PCDH15: variants seen among roughly 807,000 people sequenced by gnomAD.
PCDH15 encodes protocadherin-15.
In PCDH15, 129 loss-of-function variants were observed where a neutral mutation model predicts 178.5. That is an observed-to-expected ratio of 0.72 (90% CI 0.63 to 0.84). The LOEUF (loss-of-function observed/expected upper bound fraction) is 0.84. PCDH15 is among the 40% of genes least tolerant of loss of function. PCDH15 has a pLI of 0.00. For synonymous variants in PCDH15, 800 were observed against 732.0 expected (o/e 1.09, Z -1.50); for missense variants, 2,230 against 2,099.9 (o/e 1.06, Z -1.21).
At chr10:55,359,455 T>A (rs1375291926) in intron 2 of PCDH15, among the ~76,000 whole-genome samples, 1 of 151,754 alleles carries the variant, frequency 6.6e-6, no homozygotes, top group Non-Finnish European at 1.5e-5. Flanking sequence ...GGTGAGGATG[T>A]GGAAAAATGG....
chr10:55,385,459 C>A (rs977979515), intron 2 of PCDH15, among the ~76,000 whole-genome samples: 4 of 151,886 alleles, frequency 2.6e-5, no homozygotes, highest in Non-Finnish European at 5.9e-5. Flanking sequence ...CAAATGACAA[C>A]AATTTAGTTT....
chr10:54,491,940 T>A (rs2079635381), intron 3 of PCDH15, among the ~76,000 whole-genome samples: 2 of 152,174 alleles, frequency 1.3e-5, no homozygotes, highest in Non-Finnish European at 2.9e-5. Flanking sequence ...GAAAGGTTAG[T>A]TACAAAAGCA....
chr10:53,945,006 T>A (rs2086410006), intron 23 of PCDH15, among the ~76,000 whole-genome samples: 1 of 152,196 alleles, frequency 6.6e-6, no homozygotes, highest in African/African-American at 2.4e-5. Context: ...AGGCTTTGAC[T>A]AAAATTCCAA....
At chr10:54,902,396 A>T (rs1366980343) in intron 2 of PCDH15, among the ~76,000 whole-genome samples, 2 of 152,102 alleles carry the variant, frequency 1.3e-5, no homozygotes, top group Non-Finnish European at 2.9e-5. Context: ...CTCCCTTGTC[A>T]TTCTCGTGAT....
chr10:55,325,012 C>T (rs370680455), intron 2 of PCDH15, among the ~76,000 whole-genome samples: 1 of 151,894 alleles, frequency 6.6e-6, no homozygotes, highest in Non-Finnish European at 1.5e-5. Flanking sequence ...TACAGCTAAT[C>T]AGAGAGGTAA....
chr10:53,878,522 G>GTGTA (rs1554841240), intron 26 of PCDH15, among the ~76,000 whole-genome samples: 3 of 140,318 alleles, frequency 2.1e-5, no homozygotes, highest in African/African-American at 8.3e-5. Flanking sequence ...GTGTGTGTGT[G>GTGTA]TATATATATA....
intron 2 of PCDH15, among the ~76,000 whole-genome samples, chr10:55,485,171 C>T (rs1840270119): frequency 6.6e-6 from 1 of 151,496 alleles, no homozygotes; most frequent in Admixed American, 6.6e-5. Flanking sequence ...TGTATAAGGA[C>T]CATAACTCAA....
chr10:55,510,599 C>T (rs2132150936), intron 2 of PCDH15, among the ~76,000 whole-genome samples: 1 of 151,912 alleles, frequency 6.6e-6, no homozygotes, highest in East Asian at 1.9e-4. Context: ...TCAGGTGTTT[C>T]CTTGTTTGTT....
chr10:54,746,176 A>G (rs1156495799), intron 1 of PCDH15, among the ~76,000 whole-genome samples: 1 of 152,118 alleles, frequency 6.6e-6, no homozygotes, highest in East Asian at 1.9e-4. Flanking sequence ...GAATTTTAGG[A>G]TGTTTAACAG....
At chr10:55,049,984 T>C (rs550326910) in intron 2 of PCDH15, among the ~76,000 whole-genome samples, 1 of 152,006 alleles carries the variant, frequency 6.6e-6, no homozygotes, top group Non-Finnish European at 1.5e-5. Context: ...TGAATGTATA[T>C]TTTGCAATTG....
At chr10:54,940,255 A>G (rs1378000088) in intron 2 of PCDH15, among the ~76,000 whole-genome samples, 1 of 152,136 alleles carries the variant, frequency 6.6e-6, no homozygotes, top group Non-Finnish European at 1.5e-5. Context: ...ATCTCAAAAT[A>G]TGATTGAATT....
intron 26 of PCDH15, among the ~76,000 whole-genome samples, chr10:53,892,858 C>A (rs1256025842): frequency 6.6e-6 from 1 of 152,058 alleles, no homozygotes; most frequent in Non-Finnish European, 1.5e-5. Context: ...ATACAGAATA[C>A]AGTGTAGAAA....
chr10:54,183,336 A>T, intron 13 of PCDH15, 108 bp downstream of exon 13: 1 of 1,082,856 alleles, frequency 9.2e-7, no homozygotes, highest in Non-Finnish European at 1.4e-6. Flanking sequence ...CTATACAATA[A>T]GTGTGAAATC....
At chr10:53,878,386 CTATA>C (rs556794610) in intron 26 of PCDH15, among the ~76,000 whole-genome samples, 2 of 142,694 alleles carry the variant, frequency 1.4e-5, no homozygotes, top group East Asian at 2.0e-4. Flanking sequence ...TATATATAGT[CTATA>C]TATATACTAT....
chr10:55,056,607 TG>T (rs1242616536), intron 2 of PCDH15, among the ~76,000 whole-genome samples: 3 of 112,364 alleles, frequency 2.7e-5, no homozygotes, highest in Non-Finnish European at 5.5e-5. Context: ...ATTTTTATTT[TG>T]TTTTATTATT....
intron 32 of PCDH15, chr10:53,823,470 G>T: frequency 9.8e-7 from 1 of 1,018,524 alleles, no homozygotes; most frequent in Non-Finnish European, 1.6e-6. Flanking sequence ...AACATCAAAG[G>T]CCAAACAACA....
At chr10:54,133,120 A>T (rs111227246) in intron 14 of PCDH15, 113 bp from the exon 15 acceptor site, 2 of 1,256,370 alleles carry the variant, frequency 1.6e-6, no homozygotes, top group Non-Finnish European at 1.1e-6. Flanking sequence ...TCCAAATTTT[A>T]TGAAAAATAA....
chr10:54,674,098 A>G (rs1432733231), intron 1 of PCDH15, among the ~76,000 whole-genome samples: 1 of 152,180 alleles, frequency 6.6e-6, no homozygotes, highest in African/African-American at 2.4e-5. Context: ...ATACTATATC[A>G]ATGCAGAGGC....
At chr10:53,960,835 C>A (rs2088222263) in intron 22 of PCDH15, among the ~76,000 whole-genome samples, 1 of 152,126 alleles carries the variant, frequency 6.6e-6, no homozygotes, top group African/African-American at 2.4e-5. Context: ...AAGCTATTTC[C>A]CTACTGTAGA....
Sources: gnomAD v4.1 joint callset for allele counts (sites outside exome capture counted in the v4.1 genomes callset) on GRCh38, gnomAD v4.1.1 for gene constraint, MANE v1.5 for transcripts, NCBI Gene and HGNC (gene_info 2026-07-23, HGNC 2026-07-21) for gene names.